TLN2: variants seen among roughly 807,000 people sequenced by gnomAD.
TLN2 encodes the protein talin-2.
In TLN2, 118 loss-of-function variants were observed where a neutral mutation model predicts 294.7. The observed-to-expected ratio is 0.40, with a 90% CI of 0.34 to 0.47. The LOEUF (loss-of-function observed/expected upper bound fraction) is 0.47, where lower values mean the gene tolerates loss of function less well. TLN2 is among the 20% of genes least tolerant of loss of function. TLN2 has a pLI of 0.84. For synonymous variants in TLN2, 1,431 were observed against 1,304.5 expected (o/e 1.10, Z -2.09); for missense variants, 3,083 against 3,282.2 (o/e 0.94, Z 1.48).
At chr15:62,488,944 C>T (rs576510758) in intron 1 of TLN2, among the ~76,000 whole-genome samples, 1 of 152,124 alleles carries the variant, frequency 6.6e-6, no homozygotes, top group Non-Finnish European at 1.5e-5. Context: ...GGGTGGATCA[C>T]GAGGTCAGGA....
intron 52 of TLN2, among the ~76,000 whole-genome samples, chr15:62,816,663 G>T (rs2067141645): frequency 1.3e-5 from 2 of 152,154 alleles, no homozygotes; most frequent in African/African-American, 4.8e-5. Context: ...CCCTTGTCTT[G>T]AGCTTAGGGG....
chr15:62,739,203 A>T (rs1005351525), intron 30 of TLN2, 145 bp from the exon 31 acceptor site: 40 of 843,934 alleles, frequency 4.7e-5, no homozygotes, highest in Middle Eastern at 3.7e-4. Context: ...CTATTAATAA[A>T]ATGGGCTCAG....
Position 62,597,286 on chromosome 15 carries a change from A to T in TLN2, c.-162+7524A>T, listed in dbSNP as rs75165541. On this transcript the variant is annotated intron_variant, in intron 2 of 58. Transcript: ENST00000636159. ...AAGGCTTCCATGATTTTATCTCTAG[A>T]TTCTGAATGTTAAAAACCAGTAAGT... is the stretch of plus-strand genomic sequence containing the variant. Among the ~76,000 whole-genome samples the T allele has an allele frequency of 5.3e-4, 80 of 152,170 alleles. 1 individual carries two copies. In the East Asian group the frequency reaches 0.015, roughly 29 times the overall value.
In TLN2 at chr15:62,608,851, C is replaced by T. The variant is rs145680629; in HGVS notation, c.-161-9500C>T. ...GCAGGAGTGGGGGACTAGGAGAGAACTTGAGGAGATTATTTCTAAACGAAG... is the reference window on the plus strand; with the variant it reads ...GCAGGAGTGGGGGACTAGGAGAGAATTTGAGGAGATTATTTCTAAACGAAG... On this transcript the variant is annotated intron_variant, in intron 2 of 58. Coordinates refer to ENST00000636159, the MANE Select transcript of TLN2 (RefSeq NM_015059.3). 2.7e-4 allele frequency among the ~76,000 whole-genome samples: 41 copies of T among 151,992 alleles called. 1 individual carries two copies. In the East Asian group the frequency reaches 7.9e-3, roughly 29 times the overall value.
At chr15:62,814,774 C>T (rs1481307201) in intron 52 of TLN2, among the ~76,000 whole-genome samples, 1 of 152,204 alleles carries the variant, frequency 6.6e-6, no homozygotes, top group South Asian at 2.1e-4. Context: ...ATTGTGGTGA[C>T]ATAGGTCATT....
intron 9 of TLN2, among the ~76,000 whole-genome samples, chr15:62,666,428 C>T (rs776264678): frequency 1.3e-5 from 2 of 152,170 alleles, no homozygotes; most frequent in Non-Finnish European, 2.9e-5. Flanking sequence ...CAGCCTTTCT[C>T]TCCTCTCCAG....
chr15:62,631,571 CCTTT>C (rs1237178461), intron 3 of TLN2, among the ~76,000 whole-genome samples: 9 of 136,560 alleles, frequency 6.6e-5, no homozygotes, highest in South Asian at 4.6e-4. Context: ...CCTTTCCTTT[CCTTT>C]CTTTCTCTCT....
intron 1 of TLN2, among the ~76,000 whole-genome samples, chr15:62,448,201 G>C (rs1212070983): frequency 6.6e-6 from 1 of 152,208 alleles, no homozygotes; most frequent in Non-Finnish European, 1.5e-5. Flanking sequence ...TCCTGGGGAA[G>C]GCTTGGGTGA....
At chr15:62,784,294 A>T (rs998364017) in intron 45 of TLN2, 2 of 307,698 alleles carry the variant, frequency 6.5e-6, no homozygotes, top group African/African-American at 4.3e-5. Context: ...GTGTTGAAAG[A>T]TTCAAGTATG....
intron 1 of TLN2, among the ~76,000 whole-genome samples, chr15:62,535,638 C>T (rs1460165089): frequency 2.6e-5 from 4 of 151,800 alleles, no homozygotes; most frequent in Non-Finnish European, 5.9e-5. Flanking sequence ...TCACTGCAAC[C>T]TCTGCCTCCC....
chr15:62,648,609 G>A (rs1171202069), intron 4 of TLN2, among the ~76,000 whole-genome samples: 1 of 139,074 alleles, frequency 7.2e-6, no homozygotes, highest in East Asian at 2.1e-4. Flanking sequence ...GGGCAACGAT[G>A]TGATCTTGGC....
intron 1 of TLN2, among the ~76,000 whole-genome samples, chr15:62,407,258 A>G (rs2033461298): frequency 6.6e-6 from 1 of 152,154 alleles, no homozygotes; most frequent in South Asian, 2.1e-4. Flanking sequence ...GAGGAAGCTA[A>G]GATGTAGCAA....
chr15:62,705,186 G>C (rs1344639765), intron 19 of TLN2, among the ~76,000 whole-genome samples: 1 of 152,230 alleles, frequency 6.6e-6, no homozygotes, highest in Non-Finnish European at 1.5e-5. Context: ...GTCCTACAGA[G>C]CCTTTGTTAG....
chr15:62,776,967 C>T (rs905372987), intron 43 of TLN2, 57 bp downstream of exon 43: 73 of 1,358,982 alleles, frequency 5.4e-5, no homozygotes, highest in East Asian at 2.7e-4. Flanking sequence ...ATGGGCCTCG[C>T]GTGCTTTTCT....
intron 54 of TLN2, among the ~76,000 whole-genome samples, chr15:62,821,671 G>A (rs1043697509): frequency 1.7e-4 from 26 of 152,120 alleles, no homozygotes; most frequent in African/African-American, 5.1e-4. Flanking sequence ...GCACTTAAAC[G>A]TTTTCTCATC....
intron 1 of TLN2, among the ~76,000 whole-genome samples, chr15:62,422,106 C>G (rs891076852): frequency 1.1e-4 from 16 of 150,228 alleles, no homozygotes; most frequent in African/African-American, 3.9e-4. Context: ...ACTAAAAATA[C>G]AAAATTAGCC....
chr15:62,698,633 T>G, intron 15 of TLN2, 121 bp from the exon 16 acceptor site: 1 of 710,134 alleles, frequency 1.4e-6, no homozygotes, highest in Non-Finnish European at 2.4e-6. Context: ...AGGCGCTTGT[T>G]GAGATGTAGC....
In TLN2 at chr15:62,711,921, G is replaced by A; in HGVS notation, c.2478G>A (p.Val826=). The change falls in exon 22 of 59, where the codon GTG becomes GTA. Residue 826 remains valine (V), a synonymous_variant. Coordinates refer to ENST00000636159, the MANE Select transcript of TLN2 (RefSeq NM_015059.3). ...TATTCTGTCTTCTAGGTGAAATGGT[G>A]CGCCAGGCGCGGGTTCTGGCCCAAG... ...FSSMGDAGEM[V]RQARVLAQAT... 1 of 1,606,282 alleles carries A rather than the reference G, an allele frequency of 6.2e-7. No individual in the cohort carries two copies. The highest frequency in any genetic ancestry group is 1.1e-5 in the South Asian group (1 of 90,694).
intron 1 of TLN2, among the ~76,000 whole-genome samples, chr15:62,535,582 G>A (rs1167120749): frequency 3.4e-5 from 5 of 147,530 alleles, no homozygotes; most frequent in Non-Finnish European, 5.9e-5. Context: ...TGGAGACAGT[G>A]TCTGGTTCTG....
Sources: allele counts gnomAD v4.1 joint callset (sites outside exome capture counted in the v4.1 genomes callset), GRCh38; gene constraint gnomAD v4.1.1; transcripts MANE v1.5; gene names NCBI Gene and HGNC (gene_info 2026-07-23, HGNC 2026-07-21).